The following ARID4B variants were observed in gnomAD, a reference collection of about 807,000 sequenced individuals.
The protein encoded by ARID4B is AT-rich interactive domain-containing protein 4B.
A neutral mutation model predicts 147.5 loss-of-function variants in ARID4B; 26 were observed. The observed-to-expected ratio is 0.18, with a 90% CI of 0.13 to 0.24. ARID4B has a LOEUF of 0.24. ARID4B is among the 10% of genes least tolerant of loss of function. The pLI is 1.00. For synonymous variants in ARID4B, 512 were observed against 507.9 expected (o/e 1.01, Z -0.11); for missense variants, 1,179 against 1,511.5 (o/e 0.78, Z 3.65).
At chr1:235,251,808 C>T (rs918472307) in intron 6 of ARID4B, among the ~76,000 whole-genome samples, 5 of 152,082 alleles carry the variant, frequency 3.3e-5, no homozygotes, top group African/African-American at 9.7e-5. Flanking sequence ...GATTAGAGAA[C>T]GTAACACCAT....
intron 9 of ARID4B, among the ~76,000 whole-genome samples, chr1:235,231,800 T>C (rs925547931): frequency 6.6e-6 from 1 of 152,226 alleles, no homozygotes; most frequent in Non-Finnish European, 1.5e-5. Flanking sequence ...AAACGATTTA[T>C]GGCAATATAA....
At chr1:235,280,067 G>C (rs1007044126) in intron 2 of ARID4B, among the ~76,000 whole-genome samples, 38 of 152,232 alleles carry the variant, frequency 2.5e-4, no homozygotes, top group African/African-American at 8.9e-4. Flanking sequence ...AGCGCACCTT[G>C]TGAATTACCA....
chr1:235,235,528 T>C (rs1668495823), intron 8 of ARID4B, among the ~76,000 whole-genome samples: 1 of 152,222 alleles, frequency 6.6e-6, no homozygotes. Flanking sequence ...TGTCCAGTTC[T>C]GCCACAGAAC....
chr1:235,309,150 G>A (rs1379365821), intron 2 of ARID4B, among the ~76,000 whole-genome samples: 2 of 149,614 alleles, frequency 1.3e-5, no homozygotes, highest in Middle Eastern at 3.5e-3. Flanking sequence ...TGTGAGGAGC[G>A]CCTCTGCCCG....
intron 19 of ARID4B, among the ~76,000 whole-genome samples, chr1:235,188,061 G>A (rs1003717712): frequency 6.6e-6 from 1 of 152,028 alleles, no homozygotes; most frequent in African/African-American, 2.4e-5. Flanking sequence ...TAAAAAGACT[G>A]CACACATGTG....
intron 19 of ARID4B, among the ~76,000 whole-genome samples, chr1:235,186,735 G>GT (rs1200602225): frequency 2.8e-5 from 4 of 143,752 alleles, no homozygotes; most frequent in Admixed American, 1.4e-4. Context: ...TTTTGTTTTT[G>GT]TTTTTTTTGA....
chr1:235,182,820 T>C, intron 19 of ARID4B, 27 bp from the exon 20 acceptor site: 1 of 1,555,802 alleles, frequency 6.4e-7, no homozygotes, highest in Non-Finnish European at 8.6e-7. Flanking sequence ...AAAAAAATGA[T>C]GAGTATGATA....
At chr1:235,236,862 ATTTTTTTT>A (rs869157061) in intron 8 of ARID4B, among the ~76,000 whole-genome samples, 140 of 17,466 alleles carry the variant, frequency 8.0e-3, no homozygotes, top group Non-Finnish European at 0.01. Flanking sequence ...ATATATATAT[ATTTTTTTT>A]TTTTTTTTTT....
intron 7 of ARID4B, among the ~76,000 whole-genome samples, chr1:235,242,837 G>A (rs1669075689): frequency 6.6e-6 from 1 of 152,046 alleles, no homozygotes; most frequent in Non-Finnish European, 1.5e-5. Flanking sequence ...TCCATTTTTA[G>A]ACTAGATGCC....
At chr1:235,305,097 TG>T (rs1673451175) in intron 2 of ARID4B, among the ~76,000 whole-genome samples, 1 of 152,198 alleles carries the variant, frequency 6.6e-6, no homozygotes, top group Admixed American at 6.5e-5. Flanking sequence ...TTGTATTATC[TG>T]GGTGAGCCCT....
intron 17 of ARID4B, among the ~76,000 whole-genome samples, chr1:235,208,294 C>T (rs1666460511): frequency 6.6e-6 from 1 of 152,068 alleles, no homozygotes; most frequent in Non-Finnish European, 1.5e-5. Flanking sequence ...CCCATATTTA[C>T]GACACGACTT....
At chr1:235,236,585 C>G (rs1668573122) in intron 8 of ARID4B, among the ~76,000 whole-genome samples, 2 of 150,812 alleles carry the variant, frequency 1.3e-5, no homozygotes, top group African/African-American at 4.9e-5. Flanking sequence ...ACGGTCTCAG[C>G]TCACTGCAAC....
At chr1:235,265,327 T>C (rs1204330562) in intron 2 of ARID4B, among the ~76,000 whole-genome samples, 4 of 151,628 alleles carry the variant, frequency 2.6e-5, no homozygotes, top group African/African-American at 7.3e-5. Context: ...GATTGTGCCA[T>C]TGCACTCCAG....
chr1:235,295,809 C>CA lies in ARID4B; in HGVS notation c.6+31104dup, dbSNP rs77831174. 785 of 124,390 alleles carry CA rather than the reference C, an allele frequency of 6.3e-3. 6 individuals are homozygous for CA. Among genetic ancestry groups the CA allele is most frequent in the African/African-American group, 0.019 (618 of 33,244 alleles). The allele number at this position is 124,390 out of a possible 1,614,324, so 7.7% of individuals were successfully genotyped here. A position where few individuals can be genotyped will look rare whatever the true frequency, so the allele number is the denominator to read the frequency against. On this transcript the variant is annotated intron_variant, in intron 2 of 23. Coordinates refer to ENST00000264183, the MANE Select transcript of ARID4B (RefSeq NM_016374.6). ...TGGACAACAGAGCGAGACTACGTCCCAAAAAAAAAAAAAGACACAACTATA... is the reference window on the plus strand; with the variant it reads ...TGGACAACAGAGCGAGACTACGTCCCAAAAAAAAAAAAAAGACACAACTATA...
At chr1:235,215,579 G>A (rs865881022) in intron 16 of ARID4B, among the ~76,000 whole-genome samples, 38 of 144,700 alleles carry the variant, frequency 2.6e-4, no homozygotes, top group Admixed American at 1.1e-3. Flanking sequence ...GTGTGTGTGT[G>A]TATATATTTT....
chr1:235,256,745 C>T (rs1209981234), intron 4 of ARID4B, among the ~76,000 whole-genome samples: 1 of 152,104 alleles, frequency 6.6e-6, no homozygotes, highest in Admixed American at 6.5e-5. Context: ...AGTTCATCAT[C>T]TATTAATTTT....
chr1:235,294,866 T>A (rs1033602316), intron 2 of ARID4B, among the ~76,000 whole-genome samples: 6 of 151,348 alleles, frequency 4.0e-5, no homozygotes, highest in Non-Finnish European at 7.4e-5. Context: ...ATATTTTACA[T>A]CAAAAAAATT....
intron 8 of ARID4B, among the ~76,000 whole-genome samples, chr1:235,236,532 G>A (rs886596418): frequency 6.7e-6 from 1 of 149,494 alleles, no homozygotes; most frequent in Non-Finnish European, 1.5e-5. Flanking sequence ...GTGTGTGTTT[G>A]AGATGGGGTC....
chr1:235,225,052 GGTTTT>G (rs200173989), intron 11 of ARID4B, among the ~76,000 whole-genome samples: 349 of 124,658 alleles, frequency 2.8e-3, no homozygotes, highest in African/African-American at 9.2e-3. Context: ...GACTGTTCGT[GGTTTT>G]GTTTTGTTTT....
Sources: gnomAD v4.1 joint callset for allele counts (sites outside exome capture counted in the v4.1 genomes callset) on GRCh38, gnomAD v4.1.1 for gene constraint, MANE v1.5 for transcripts, NCBI Gene and HGNC (gene_info 2026-07-23, HGNC 2026-07-21) for gene names.